Variants in CTNND2 observed in about 807,000 individuals in gnomAD.
The protein encoded by CTNND2 is catenin delta-2.
Under a neutral mutation model 144.4 loss-of-function variants are expected in CTNND2, and 22 were observed. The ratio of observed to expected loss-of-function variants is 0.15; its 90% confidence interval spans 0.11 to 0.22. The LOEUF is 0.22. CTNND2 is among the 10% of genes least tolerant of loss of function. The probability of loss-of-function intolerance (pLI) is 1.00; values close to 1 mark genes in which losing one functional copy is unlikely to be tolerated. For missense variants in CTNND2, 1,353 were observed against 1,618.8 expected, an observed-to-expected ratio of 0.84 and a Z score of 2.82; for synonymous variants, 751 against 695.6, an observed-to-expected ratio of 1.08 and a Z score of -1.25.
In CTNND2 at chr5:10,988,064, G is replaced by T; in HGVS notation, c.3343+47C>A. ...ATGTCCCATATCTCTGCCTTGTCGCGGGTCAAGCCACCAAGTTCCAGGAGG... is the reference window on the plus strand; with the variant it reads ...ATGTCCCATATCTCTGCCTTGTCGCTGGTCAAGCCACCAAGTTCCAGGAGG... On this transcript the variant is annotated intron_variant, in intron 20 of 21. Transcript: ENST00000304623. This position sits in a 1 kb window ranked among gnomAD's most constrained non-coding sequence, Gnocchi z 5.9. The T allele has an allele frequency of 6.2e-7, 1 of 1,611,384 alleles. No homozygotes were observed. The highest frequency in any genetic ancestry group is 8.5e-7 in the Non-Finnish European group (1 of 1,178,524).
intron 3 of CTNND2, among the ~76,000 whole-genome samples, chr5:11,502,832 T>C (rs1770671777): frequency 6.6e-6 from 1 of 152,078 alleles, no homozygotes; most frequent in Non-Finnish European, 1.5e-5. Context: ...GAAAACACTA[T>C]GAAAGAAGGG....
chr5:11,820,317 G>A (rs571931698), intron 1 of CTNND2, among the ~76,000 whole-genome samples: 1 of 152,300 alleles, frequency 6.6e-6, no homozygotes, highest in African/African-American at 2.4e-5. Context: ...CTTGGGCAAT[G>A]TCTAATATTT....
Position 10,973,361 on chromosome 5 carries a change from C to G in CTNND2, c.*92G>C. 3.6e-6 allele frequency: 5 copies of G among 1,380,354 alleles called. No individual in the cohort carries two copies. The highest frequency in any genetic ancestry group is 4.8e-6 in the Non-Finnish European group (5 of 1,038,586). 85.5% of individuals were successfully genotyped at this position (1,380,354 alleles called of 1,614,324 possible). The stretch of plus-strand genomic sequence containing the variant: ...TTCCTATGGAACAGGCTTTAACAAA[C>G]TAAATTTGCAGGAGAAAAAAACAAA... On this transcript the variant is annotated 3_prime_UTR_variant, in exon 22 of 22. Coordinates refer to ENST00000304623, the MANE Select transcript of CTNND2 (RefSeq NM_001332.4). The surrounding 1 kb of genome is among the most constrained non-coding windows in gnomAD (Gnocchi z 5.6).
chr5:11,621,202 C>T (rs974201804), intron 2 of CTNND2, among the ~76,000 whole-genome samples: 9 of 152,098 alleles, frequency 5.9e-5, no homozygotes, highest in African/African-American at 2.2e-4. Flanking sequence ...TTTTAGACTA[C>T]CACATTTATA....
intron 1 of CTNND2, among the ~76,000 whole-genome samples, chr5:11,781,454 G>A (rs957417606): frequency 6.6e-6 from 1 of 152,176 alleles, no homozygotes; most frequent in Non-Finnish European, 1.5e-5. Flanking sequence ...ATAATCAAAT[G>A]TTGGGGATTC....
At chr5:11,530,091 C>T (rs572206028) in intron 3 of CTNND2, among the ~76,000 whole-genome samples, 2 of 149,240 alleles carry the variant, frequency 1.3e-5, no homozygotes, top group Non-Finnish European at 3.0e-5. Flanking sequence ...TCCTTGACTG[C>T]AATAGTTCCT....
rs545500197 is a variant in CTNND2, at chr5:11,191,637, T to A, written c.1975+7811A>T. Among the ~76,000 whole-genome samples the A allele has an allele frequency of 3.3e-5, 5 of 152,284 alleles. No individual in the cohort carries two copies. In the East Asian group the frequency reaches 9.7e-4, roughly 29 times the overall value. ...CTCTGAGGGCTGCGGGCAGAGGGCA[T>A]CAGGGCTGCTGCAGTGTGTGCACGT... On this transcript the variant is annotated intron_variant, in intron 11 of 21. Transcript: ENST00000304623.
chr5:11,318,959 A>G (rs560410886), intron 9 of CTNND2, among the ~76,000 whole-genome samples: 10 of 152,056 alleles, frequency 6.6e-5, no homozygotes, highest in African/African-American at 2.4e-4. Context: ...GAGAGAACAT[A>G]CTTATATAAT....
At chr5:11,130,474 T>C (rs186882088) in intron 12 of CTNND2, among the ~76,000 whole-genome samples, 53 of 152,062 alleles carry the variant, frequency 3.5e-4, no homozygotes, top group Middle Eastern at 3.4e-3. Context: ...CTACCTAGGG[T>C]TTTAGCTACA....
chr5:11,582,395 G>A (rs1778504298), intron 2 of CTNND2, among the ~76,000 whole-genome samples: 1 of 152,020 alleles, frequency 6.6e-6, no homozygotes, highest in Non-Finnish European at 1.5e-5. Context: ...GCCCCAGTTA[G>A]GAAATAAACA....
intron 2 of CTNND2, among the ~76,000 whole-genome samples, chr5:11,614,309 T>G (rs1312916855): frequency 6.6e-6 from 1 of 152,202 alleles, no homozygotes; most frequent in Non-Finnish European, 1.5e-5. Flanking sequence ...AAAATGTGCC[T>G]GAGGTCTGAC....
intron 12 of CTNND2, among the ~76,000 whole-genome samples, chr5:11,156,031 G>C (rs1758188151): frequency 6.6e-6 from 1 of 152,082 alleles, no homozygotes; most frequent in Non-Finnish European, 1.5e-5. Context: ...TAGGGAATGG[G>C]GTGGCGTTAG....
Position 11,146,632 on chromosome 5 carries a change from G to A in CTNND2, c.2159+12944C>T, listed in dbSNP as rs546414442. On this transcript the variant is annotated intron_variant, in intron 12 of 21. Transcript: ENST00000304623. ...TGATATTATTTATTGATTTCTTAAC[G>A]GTGCTGATAAGCACAGTCTAATGGC... Among the ~76,000 whole-genome samples the A allele has an allele frequency of 7.2e-5, 11 of 152,190 alleles. No individual in the cohort carries two copies. The East Asian group carries it at 1.9e-3, about 27-fold the overall frequency.
In CTNND2 at chr5:11,904,423, G is replaced by T. The variant is rs1316588397; in HGVS notation, c.-570C>A. Among the ~76,000 whole-genome samples the T allele has an allele frequency of 6.6e-6, 1 of 151,800 alleles. No individual in the cohort carries two copies. The highest frequency in any genetic ancestry group is 1.5e-5 in the Non-Finnish European group (1 of 67,920). On this transcript the variant is annotated 5_prime_UTR_variant, in exon 1 of 22. Transcript: ENST00000304623. This position sits in a 1 kb window ranked among gnomAD's most constrained non-coding sequence, Gnocchi z 4.2. ...CGGCTAGTGAGGGAGCGTCCGCCCC[G>T]CCGCCGAAACCGGCCCCGGGTGCGG...
chr5:11,010,166 G>T (rs570362217), intron 18 of CTNND2, among the ~76,000 whole-genome samples: 59 of 152,290 alleles, frequency 3.9e-4, no homozygotes, highest in Non-Finnish European at 6.6e-4. Flanking sequence ...ATCTGTTGTT[G>T]AAGAATTTTC....
intron 20 of CTNND2, among the ~76,000 whole-genome samples, chr5:10,986,938 T>G (rs574500072): frequency 2.2e-4 from 34 of 152,244 alleles, no homozygotes; most frequent in Non-Finnish European, 3.8e-4. Flanking sequence ...TACACCTAAA[T>G]ACTACTGGAG....
chr5:11,678,759 T>C (rs542953830), intron 2 of CTNND2, among the ~76,000 whole-genome samples: 7 of 152,248 alleles, frequency 4.6e-5, no homozygotes, highest in East Asian at 1.9e-4. Context: ...ATTAAGAGTA[T>C]GGCAAGTTAC....
At chr5:11,222,326 G>C (rs1485745411) in intron 10 of CTNND2, among the ~76,000 whole-genome samples, 1 of 152,218 alleles carries the variant, frequency 6.6e-6, no homozygotes, top group African/African-American at 2.4e-5. Flanking sequence ...TTGTTCGCAA[G>C]TCATGACCCA....
rs78339241 is a variant in CTNND2 at position 11,692,546 on chromosome 5, G to C, written c.174+39590C>G. Among the ~76,000 whole-genome samples, 6 of 152,308 alleles carry C rather than the reference G, an allele frequency of 3.9e-5. No individual in the cohort carries two copies. The East Asian group carries it at 1.2e-3, about 29-fold the overall frequency. On this transcript the variant is annotated intron_variant, in intron 2 of 21. Transcript: ENST00000304623. The stretch of plus-strand genomic sequence containing the variant: ...TGTGGAATAGCTCAAGAGGCAGCTG[G>C]GTGTGTGATGAGAAGATAAACGCCA...
Sources: allele counts gnomAD v4.1 joint callset (sites outside exome capture counted in the v4.1 genomes callset), GRCh38; gene constraint gnomAD v4.1.1; non-coding constraint Gnocchi (gnomAD v3.1); transcripts MANE v1.5; gene names NCBI Gene and HGNC (gene_info 2026-07-23, HGNC 2026-07-21).